Variants in FANCA observed in about 807,000 individuals in gnomAD.
FANCA encodes FA complementation group A, also known as Fanconi anemia group A protein.
In FANCA, 236 loss-of-function variants were observed where a neutral mutation model predicts 194.3. That is an observed-to-expected ratio of 1.21 (90% CI 1.09 to 1.35). The LOEUF (loss-of-function observed/expected upper bound fraction) is 1.35. Among genes scored for constraint, FANCA ranks in the 40% most tolerant of loss-of-function variants. The pLI is 0.00. For missense variants in FANCA, 2,628 were observed against 1,813.9 expected (o/e 1.45, Z -8.15); for synonymous variants, 1,014 against 715.8 (o/e 1.42, Z -6.65).
Position 89,780,029 on chromosome 16 carries a change from C to T in FANCA, c.1627-72G>A. 9.8e-6 allele frequency: 13 copies of T among 1,327,796 alleles called. No individual in the cohort carries two copies. The South Asian group carries it at 1.2e-4, about 12-fold the overall frequency. 82.3% of individuals were successfully genotyped at this position (1,327,796 alleles called of 1,614,324 possible). A position where few individuals can be genotyped will look rare whatever the true frequency, so the allele number is the denominator to read the frequency against. On this transcript the variant is annotated intron_variant, in intron 17 of 42. Transcript: ENST00000389301. ...AGAAAAGACTGAGCAGTGAAGGCCACACTCAACCTGTGCTTCCTTGTTGAA... is the reference window on the plus strand; with the variant it reads ...AGAAAAGACTGAGCAGTGAAGGCCATACTCAACCTGTGCTTCCTTGTTGAA...
intron 27 of FANCA, 130 bp from the exon 28 acceptor site, chr16:89,765,196 C>G: frequency 1.8e-6 from 2 of 1,133,712 alleles, no homozygotes; most frequent in Non-Finnish European, 2.6e-6. Context: ...GGACCTCAGT[C>G]CAGCCCCTGG....
At position 89,810,963 on chromosome 16, in the gene FANCA, G is replaced by C. The variant is rs34491278; in HGVS notation, c.392C>G (p.Thr131Ser). Reference sequence around the variant, plus strand: ...CACAGTCAGCAGCACAGGGTGACTGGTCTCCGCTGGAGCCGTGCAGATCTG... The same window carrying C: ...CACAGTCAGCAGCACAGGGTGACTGCTCTCCGCTGGAGCCGTGCAGATCTG... ...VGQICTAPAE[T>S]SHPVLLTVEQ... The change falls in exon 4 of 43, where the codon ACC becomes AGC. Residue 131 changes from threonine (T) to serine (S), a missense_variant. By Grantham distance (58) the Thr-to-Ser change is moderately conservative. Transcript: ENST00000389301. 1 of 1,614,098 alleles carries C rather than the reference G, an allele frequency of 6.2e-7. No individual in the cohort carries two copies. Among genetic ancestry groups the C allele is most frequent in the South Asian group, 1.1e-5 (1 of 91,090 alleles).
intron 15 of FANCA, 28 bp from the exon 16 acceptor site, chr16:89,783,130 C>T (rs1476473788): frequency 2.6e-6 from 4 of 1,564,334 alleles, no homozygotes; most frequent in South Asian, 1.1e-5. Flanking sequence ...AGCGCAGCAC[C>T]GTTAGTCTGG....
At chr16:89,758,509 C>T in intron 30 of FANCA, 68 bp downstream of exon 30, 2 of 1,587,720 alleles carry the variant, frequency 1.3e-6, no homozygotes, top group Non-Finnish European at 1.7e-6. Flanking sequence ...TGGCCAGAAA[C>T]TCCCCTTTAT....
At chr16:89,780,043 T>C in intron 17 of FANCA, 86 bp from the exon 18 acceptor site, 1 of 1,226,966 alleles carries the variant, frequency 8.2e-7, no homozygotes, top group African/African-American at 1.5e-5. Context: ...CAACCTGTGC[T>C]TCCTTGTTGA....
Position 89,767,261 on chromosome 16 carries a change from T to C in FANCA, c.2505-24A>G, listed in dbSNP as rs375887565. ...ATCTGAAAACAGAAATTATAACATA[T>C]AAATGTAATCCATACAAAATAAGGG... On this transcript the variant is annotated intron_variant, in intron 26 of 42. Coordinates refer to ENST00000389301, the MANE Select transcript of FANCA (RefSeq NM_000135.4). 30 of 1,497,860 alleles carry C rather than the reference T, an allele frequency of 2.0e-5. No homozygotes were observed. The African/African-American group carries it at 2.2e-4, about 11-fold the overall frequency. The allele number at this position is 1,497,860 out of a possible 1,614,324, so 92.8% of individuals were successfully genotyped here. A position where few individuals can be genotyped will look rare whatever the true frequency, so the allele number is the denominator to read the frequency against.
Position 89,799,196 on chromosome 16 carries a change from T to C in FANCA, c.863A>G (p.Glu288Gly), listed in dbSNP as rs747205782. Residue 288 changes from glutamate (E) to glycine (G), a missense_variant, in exon 10 of 43, where the codon GAG becomes GGG. Coordinates refer to ENST00000389301, the MANE Select transcript of FANCA (RefSeq NM_000135.4). ...LDALAAGVQE[E>G]SSTHKIVRCW... The stretch of plus-strand genomic sequence containing the variant: ...CCTCACGATCTTGTGAGTGGAGGAC[T>C]CCTCCTGTACTCCAGCAGCCAAAGC... 1 of 1,613,960 alleles carries C rather than the reference T, an allele frequency of 6.2e-7. No homozygotes were observed. The highest frequency in any genetic ancestry group is 8.5e-7 in the Non-Finnish European group (1 of 1,180,022).
Position 89,808,346 on chromosome 16 carries a change from C to G in FANCA, c.544G>C (p.Val182Leu), listed in dbSNP as rs375710447. The G allele has an allele frequency of 9.3e-6, 15 of 1,614,140 alleles. No individual in the cohort carries two copies. The highest frequency in any genetic ancestry group is 1.2e-5 in the Non-Finnish European group (14 of 1,180,016). ...ATGCCTTGTACGTGAAGATGCCACA[C>G]CGCTTCAAGCAACAAAGAACTCTGA... ...KIQSSLLLEA[V>L]WHLHVQGIVS... Residue 182 changes from valine (V) to leucine (L), a missense_variant, in exon 6 of 43, where the codon GTG becomes CTG. Coordinates refer to ENST00000389301, the MANE Select transcript of FANCA (RefSeq NM_000135.4).
intron 21 of FANCA, among the ~76,000 whole-genome samples, chr16:89,774,864 C>T (rs950765989): frequency 7.9e-5 from 12 of 151,600 alleles, no homozygotes; most frequent in African/African-American, 2.9e-4. Context: ...AAGGCCGAGG[C>T]AGGCGGATCA....
In FANCA at chr16:89,779,938, T is replaced by C. The variant is rs1289939314; in HGVS notation, c.1646A>G (p.Gln549Arg). The change falls in exon 18 of 43, where the codon CAG becomes CGG. Residue 549 changes from glutamine to arginine, a missense_variant. Transcript: ENST00000389301. ...CACCATGATGGCCTTTTCAACATCC[T>C]GAAGAGCTTGGCTGTGGGGCTGGTT... ...DITEPHSQAL[Q>R]DVEKAIMVFE... The C allele has an allele frequency of 6.2e-7, 1 of 1,614,044 alleles. No individual in the cohort carries two copies. The highest frequency in any genetic ancestry group is 1.3e-5 in the African/African-American group (1 of 74,940).
chr16:89,809,897 G>A (rs1488843200), intron 5 of FANCA, among the ~76,000 whole-genome samples: 9 of 149,954 alleles, frequency 6.0e-5, no homozygotes, highest in Non-Finnish European at 1.2e-4. Flanking sequence ...ATGGTGGCAC[G>A]CGCCTGTAAT....
intron 41 of FANCA, 65 bp from the exon 42 acceptor site, chr16:89,739,039 CAT>C: frequency 6.2e-7 from 1 of 1,614,034 alleles, no homozygotes; most frequent in South Asian, 1.1e-5. Context: ...GTGTGTCCCC[CAT>C]AGTCTGCATG....
In FANCA at chr16:89,772,768, G is replaced by C. The variant is rs899081352; in HGVS notation, c.2014+503C>G. 4.0e-5 allele frequency among the ~76,000 whole-genome samples: 6 copies of C among 151,620 alleles called. No individual in the cohort carries two copies. The East Asian group carries it at 9.7e-4, about 24-fold the overall frequency. ...CAGGAGGCGGAGGTTGCAGTGAGCC[G>C]AGATGGCGCCACTGCACTCCAGCCT... On this transcript the variant is annotated intron_variant, in intron 22 of 42. Coordinates refer to ENST00000389301, the MANE Select transcript of FANCA (RefSeq NM_000135.4).
chr16:89,798,971 G>A, intron 10 of FANCA, 195 bp downstream of exon 10: 2 of 1,613,392 alleles, frequency 1.2e-6, no homozygotes, highest in Non-Finnish European at 8.5e-7. Context: ...CATCCTCACA[G>A]GAAAAGGCTG....
chr16:89,805,359 G>C lies in FANCA; in HGVS notation c.630C>G (p.Leu210=). 10 of 1,614,030 alleles carry C rather than the reference G, an allele frequency of 6.2e-6. No individual in the cohort carries two copies. The highest frequency in any genetic ancestry group is 7.6e-6 in the Non-Finnish European group (9 of 1,179,964). Residue 210 remains leucine (L), a synonymous_variant, in exon 7 of 43, where the codon CTC becomes CTG. Transcript: ENST00000389301. ...CACAAAGGCAGCACAGATTCCTGAA[G>C]AGCCACGATCCCACAGCATGCATGT... ...HPDMHAVGSW[L]FRNLCCLCEQ... is the part of the protein sequence containing the mutation.
chr16:89,766,284 C>A (rs1006057324), intron 27 of FANCA, among the ~76,000 whole-genome samples: 1 of 151,970 alleles, frequency 6.6e-6, no homozygotes, highest in African/African-American at 2.4e-5. Context: ...CATGAGCCAC[C>A]ACGCCCAGCC....
At chr16:89,780,464 A>G (rs1169876866) in intron 17 of FANCA, among the ~76,000 whole-genome samples, 1 of 152,118 alleles carries the variant, frequency 6.6e-6, no homozygotes, top group Non-Finnish European at 1.5e-5. Context: ...CTCTAAAAAA[A>G]TACAAAAACA....
intron 33 of FANCA, among the ~76,000 whole-genome samples, chr16:89,747,589 C>T (rs555467965): frequency 7.2e-5 from 11 of 152,218 alleles, no homozygotes; most frequent in East Asian, 5.8e-4. Flanking sequence ...GTCCCAGCTA[C>T]TCAGGAGGCT....
rs71137677 is a variant in FANCA, at chr16:89,812,646, C to CAAAAAAAAAAAAAAAAA, written c.284-1592_284-1576dup. Among the ~76,000 whole-genome samples, 125 of 42,278 alleles carry CAAAAAAAAAAAAAAAAA rather than the reference C, an allele frequency of 3.0e-3. 3 individuals are homozygous for CAAAAAAAAAAAAAAAAA. The highest frequency in any genetic ancestry group is 5.1e-3 in the Non-Finnish European group (89 of 17,590). The allele number at this position is 42,278 out of a possible 152,430, so 27.7% of individuals were successfully genotyped here. A position where few individuals can be genotyped will look rare whatever the true frequency, so the allele number is the denominator to read the frequency against. ...GGGTAACAAGAGCAATACTCCGTCT[C>CAAAAAAAAAAAAAAAAA]AAAAAAAAAAAAAAAAAAAAAAAAC... On this transcript the variant is annotated intron_variant, in intron 3 of 42. Coordinates refer to ENST00000389301, the MANE Select transcript of FANCA (RefSeq NM_000135.4).
Sources: gnomAD v4.1 joint callset for allele counts (sites outside exome capture counted in the v4.1 genomes callset) on GRCh38, gnomAD v4.1.1 for gene constraint, MANE v1.5 for transcripts, NCBI Gene and HGNC (gene_info 2026-07-23, HGNC 2026-07-21) for gene names.